TNRC6C: variants seen among roughly 807,000 people sequenced by gnomAD.
TNRC6C encodes trinucleotide repeat-containing gene 6C protein.
TNRC6C carries 20 observed loss-of-function variants against 153.7 expected under a neutral mutation model. The observed-to-expected ratio is 0.13, with a 90% CI of 0.09 to 0.19. The LOEUF (loss-of-function observed/expected upper bound fraction) is 0.19, where lower values mean the gene tolerates loss of function less well. TNRC6C is among the 10% of genes least tolerant of loss of function. The pLI, the probability that TNRC6C is intolerant of heterozygous loss-of-function variation, is 1.00. For missense variants in TNRC6C, 1,987 were observed against 2,172.0 expected (o/e 0.91, Z 1.69); for synonymous variants, 811 against 841.4 (o/e 0.96, Z 0.63).
At chr17:78,093,203 A>G (rs2073424246) in intron 15 of TNRC6C, 79 bp downstream of exon 17, 8 of 1,432,446 alleles carry the variant, frequency 5.6e-6, no homozygotes, top group East Asian at 4.6e-5. Context: ...TTAGGCTGAG[A>G]GGACCCAGAA....
intron 1 of TNRC6C, among the ~76,000 whole-genome samples, chr17:77,962,722 A>G (rs972232162): frequency 6.6e-6 from 1 of 152,184 alleles, no homozygotes; most frequent in Admixed American, 6.5e-5. Context: ...TCTTTCTCAT[A>G]ATTTTAAGAC....
intron 1 of TNRC6C, among the ~76,000 whole-genome samples, chr17:77,960,948 A>T (rs573544050): frequency 1.3e-5 from 2 of 152,284 alleles, no homozygotes; most frequent in South Asian, 4.1e-4. Context: ...AAGAATAGAC[A>T]TTCTTGGAAG....
chr17:78,078,045 C>G (rs529703538), intron 9 of TNRC6C, among the ~76,000 whole-genome samples: 1 of 152,330 alleles, frequency 6.6e-6, no homozygotes, highest in South Asian at 2.1e-4. Flanking sequence ...AGACATGTCT[C>G]TAAGTAGACA....
At chr17:78,093,836 G>A in intron 16 of TNRC6C, 73 bp downstream of exon 18, 2 of 1,579,376 alleles carry the variant, frequency 1.3e-6, no homozygotes, top group Non-Finnish European at 1.7e-6. Context: ...AGGGGTGACA[G>A]GTTGGGCTGT....
At chr17:77,961,775 C>G (rs1486806463) in intron 1 of TNRC6C, among the ~76,000 whole-genome samples, 1 of 152,086 alleles carries the variant, frequency 6.6e-6, no homozygotes, top group African/African-American at 2.4e-5. Flanking sequence ...TGAACTGTTT[C>G]GTTTGACATT....
chr17:78,070,094 C>T (rs2072962900), intron 5 of TNRC6C, among the ~76,000 whole-genome samples: 1 of 152,106 alleles, frequency 6.6e-6, no homozygotes, highest in South Asian at 2.1e-4. Flanking sequence ...CAGCAGAAAC[C>T]AGAAACTAAA....
At chr17:78,082,782 T>G (rs1173275936) in intron 10 of TNRC6C, among the ~76,000 whole-genome samples, 1 of 152,190 alleles carries the variant, frequency 6.6e-6, no homozygotes. Flanking sequence ...TGCACATCCA[T>G]TTATAGGCTC....
At chr17:78,000,042 A>G (rs963150108), upstream of TNRC6C, among the ~76,000 whole-genome samples, 4 of 152,160 alleles carry the variant, frequency 2.6e-5, no homozygotes, top group Non-Finnish European at 4.4e-5. Flanking sequence ...CTTCTTCACA[A>G]CTTCTGGTCC....
At chr17:78,099,808 G>A (rs2073557082) in intron 17 of TNRC6C, among the ~76,000 whole-genome samples, 1 of 152,188 alleles carries the variant, frequency 6.6e-6, no homozygotes, top group African/African-American at 2.4e-5. Flanking sequence ...GAAGTCCACA[G>A]TCCAAAGTCT....
At chr17:78,068,644 A>T (rs1254925694) in intron 5 of TNRC6C, among the ~76,000 whole-genome samples, 1 of 152,070 alleles carries the variant, frequency 6.6e-6, no homozygotes, top group Admixed American at 6.5e-5. Context: ...AAATACAAAA[A>T]CTAGCTGGGC....
chr17:78,077,519 G>A, intron 9 of TNRC6C, 185 bp downstream of exon 11: 4 of 734,084 alleles, frequency 5.4e-6, no homozygotes, highest in Non-Finnish European at 8.8e-6. Context: ...GTTGAAGTAG[G>A]AAATGCTTTA....
Position 78,079,500 on chromosome 17 carries a change from C to G in TNRC6C, c.3316C>G (p.Pro1106Ala). 1 of 1,613,790 alleles carries G rather than the reference C, an allele frequency of 6.2e-7. No individual in the cohort carries two copies. The highest frequency in any genetic ancestry group is 1.1e-5 in the South Asian group (1 of 91,072). ...AGTGCAGCCTCTTAACTCTTCCCAG[C>G]CCAGTCTCCGTGCTCAAGTGCCTCA... Residue 1106 changes from proline (P) to alanine (A), a missense_variant, in exon 10 of 20, where the codon CCC (proline) becomes GCC (alanine). By Grantham distance (27) the Pro-to-Ala change is conservative. Transcript: ENST00000301624. The surrounding 1 kb of genome is among the most constrained non-coding windows in gnomAD (Gnocchi z 4.3).
chr17:77,993,068 C>T (rs1391982416), intron 1 of TNRC6C, among the ~76,000 whole-genome samples: 1 of 152,062 alleles, frequency 6.6e-6, no homozygotes, highest in African/African-American at 2.4e-5. Context: ...TGGGTTCAAG[C>T]GATTCTCCTG....
exon 3 of TNRC6C, chr17:78,050,310 G>C (rs569253210): frequency 7.6e-6 from 12 of 1,571,204 alleles, no homozygotes; most frequent in African/African-American, 1.4e-5. Flanking sequence ...GGGAAGGAAC[G>C]GGAGAAGGCC....
At chr17:78,042,833 GTGA>G (rs1191210646) in intron 2 of TNRC6C, among the ~76,000 whole-genome samples, 4 of 151,896 alleles carry the variant, frequency 2.6e-5, no homozygotes, top group Non-Finnish European at 4.4e-5. Context: ...CGTAACAGTG[GTGA>G]TGGTGGTGGT....
intron 1 of TNRC6C, among the ~76,000 whole-genome samples, chr17:78,029,849 C>T (rs1355792403): frequency 6.6e-6 from 1 of 150,686 alleles, no homozygotes; most frequent in African/African-American, 2.5e-5. Flanking sequence ...AAGCCAAGGC[C>T]TACACGAGGT....
At chr17:78,092,820 G>T in intron 14 of TNRC6C, 113 bp from the exon 17 acceptor site, 1 of 775,164 alleles carries the variant, frequency 1.3e-6, no homozygotes, top group Non-Finnish European at 2.1e-6. Flanking sequence ...TAACTGAATA[G>T]GGCAAGGCAT....
In TNRC6C at chr17:78,067,925, T is replaced by C; in HGVS notation, c.2778+2T>C. On this transcript the variant is annotated splice_donor_variant, in intron 5 of 19. Coordinates refer to ENST00000301624, the Ensembl canonical transcript of TNRC6C. LOFTEE classifies it high-confidence loss of function. ...GCCCCCAAAAAAGGACTTCAAAAGG[T>C]AAGTACAACACTCTTAACGACGGTA... The C allele has an allele frequency of 6.2e-7, 1 of 1,610,086 alleles. No homozygotes were observed. The highest frequency in any genetic ancestry group is 8.5e-7 in the Non-Finnish European group (1 of 1,178,108).
rs1465604373 is a variant in TNRC6C, at chr17:78,075,651, G to C, written c.3060+373G>C. On this transcript the variant is annotated intron_variant, in intron 8 of 19. Transcript: ENST00000301624. This position sits in a 1 kb window ranked among gnomAD's most constrained non-coding sequence, Gnocchi z 4.2. Reference sequence around the variant, plus strand: ...GTTAGATGTTTATCCTCAGGAAAAGGGATTGGAAGTGGTGGGGCTTGGGCA... The same window carrying C: ...GTTAGATGTTTATCCTCAGGAAAAGCGATTGGAAGTGGTGGGGCTTGGGCA... 2.0e-5 allele frequency among the ~76,000 whole-genome samples: 3 copies of C among 151,812 alleles called. No homozygotes were observed. Among genetic ancestry groups the C allele is most frequent in the Non-Finnish European group, 4.4e-5 (3 of 68,038 alleles).
Sources: gnomAD v4.1 joint callset for allele counts (sites outside exome capture counted in the v4.1 genomes callset) on GRCh38, gnomAD v4.1.1 for gene constraint, Gnocchi (gnomAD v3.1) non-coding constraint, MANE v1.5 for transcripts, NCBI Gene and HGNC (gene_info 2026-07-23, HGNC 2026-07-21) for gene names.